Variants in RNF150 observed in about 807,000 individuals in gnomAD.
RNF150 encodes ring finger protein 150.
RNF150 carries 24 observed loss-of-function variants against 39.3 expected under a neutral mutation model. That is an observed-to-expected ratio of 0.61 (90% CI 0.44 to 0.86). The LOEUF (loss-of-function observed/expected upper bound fraction) is 0.86, where lower values mean the gene tolerates loss of function less well. Ranked by LOEUF, RNF150 falls within the 40% of genes least tolerant of loss-of-function variation. The pLI is 0.00. For missense variants in RNF150, 502 were observed against 587.8 expected (o/e 0.85, Z 1.51); for synonymous variants, 255 against 227.3 (o/e 1.12, Z -1.10).
intron 4 of RNF150, among the ~76,000 whole-genome samples, chr4:140,945,015 A>C (rs1732229961): frequency 6.6e-6 from 1 of 152,240 alleles, no homozygotes; most frequent in African/African-American, 2.4e-5. Context: ...TGAGCTATTC[A>C]GAACAGATAT....
At chr4:140,952,464 T>C (rs1240023897) in intron 2 of RNF150, among the ~76,000 whole-genome samples, 2 of 152,254 alleles carry the variant, frequency 1.3e-5, no homozygotes, top group African/African-American at 4.8e-5. Context: ...TTTGGCTGTG[T>C]ATTTAACTTA....
Position 140,886,255 on chromosome 4 carries a change from A to G in RNF150, c.1199-17876T>C, listed in dbSNP as rs13133537. 5.0e-3 allele frequency among the ~76,000 whole-genome samples: 754 copies of G among 152,100 alleles called. 5 individuals carry two copies. The highest frequency in any genetic ancestry group is 8.9e-3 in the Non-Finnish European group (606 of 67,990). On this transcript the variant is annotated intron_variant, in intron 6 of 6. Coordinates refer to ENST00000515673, the MANE Select transcript of RNF150 (RefSeq NM_020724.2). Reference sequence around the variant, plus strand: ...TTTTGGAAAGTGAATGTTCAAGTCAATGTTAGCTTTTACTTATTTGCTTTT... The same window carrying G: ...TTTTGGAAAGTGAATGTTCAAGTCAGTGTTAGCTTTTACTTATTTGCTTTT...
At chr4:141,153,033 G>A (rs528100240) in intron 1 of RNF150, among the ~76,000 whole-genome samples, 117 of 152,124 alleles carry the variant, frequency 7.7e-4, no homozygotes, top group African/African-American at 2.7e-3. Context: ...GGAATCATTC[G>A]CAACATCTTA....
chr4:141,122,622 C>T (rs1187719057), intron 1 of RNF150, among the ~76,000 whole-genome samples: 1 of 152,194 alleles, frequency 6.6e-6, no homozygotes, highest in African/African-American at 2.4e-5. Context: ...TGAATGTTTA[C>T]TGCAGCACTG....
intron 1 of RNF150, among the ~76,000 whole-genome samples, chr4:141,202,555 AAATTTT>A (rs1728307274): frequency 6.6e-6 from 1 of 152,130 alleles, no homozygotes; most frequent in South Asian, 2.1e-4. Context: ...ATTATTTTTC[AAATTTT>A]TTTTTTGGAA....
At chr4:140,875,884 A>G (rs1460734648) in intron 6 of RNF150, among the ~76,000 whole-genome samples, 1 of 152,244 alleles carries the variant, frequency 6.6e-6, no homozygotes, top group Middle Eastern at 3.4e-3. Flanking sequence ...AATGAGGTTT[A>G]TTTACTCACT....
intron 1 of RNF150, among the ~76,000 whole-genome samples, chr4:141,038,338 G>T (rs1736225103): frequency 6.6e-6 from 1 of 152,106 alleles, no homozygotes; most frequent in African/African-American, 2.4e-5. Flanking sequence ...AATCAAGAAA[G>T]AAAACTAAGT....
chr4:141,111,620 G>T (rs990073359), intron 1 of RNF150, among the ~76,000 whole-genome samples: 2 of 152,012 alleles, frequency 1.3e-5, no homozygotes, highest in Admixed American at 6.6e-5. Flanking sequence ...GCAACAAAAG[G>T]GAACACTAAA....
At chr4:141,113,585 C>T (rs1404704881) in intron 1 of RNF150, among the ~76,000 whole-genome samples, 2 of 152,016 alleles carry the variant, frequency 1.3e-5, no homozygotes, top group African/African-American at 4.8e-5. Flanking sequence ...CTTCAACATG[C>T]CACTGTCAAT....
intron 1 of RNF150, among the ~76,000 whole-genome samples, chr4:141,062,200 T>A (rs2110921699): frequency 6.6e-6 from 1 of 152,252 alleles, no homozygotes. Flanking sequence ...TATATTCAAA[T>A]CTGTTTCTTC....
intron 4 of RNF150, among the ~76,000 whole-genome samples, chr4:140,927,160 T>C (rs1731431977): frequency 6.6e-6 from 1 of 152,166 alleles, no homozygotes; most frequent in Admixed American, 6.5e-5. Context: ...CCTTTTAAAC[T>C]GAAATTAGAA....
At chr4:141,159,014 T>C (rs1043802812) in intron 1 of RNF150, among the ~76,000 whole-genome samples, 8 of 152,208 alleles carry the variant, frequency 5.3e-5, no homozygotes, top group Non-Finnish European at 1.0e-4. Flanking sequence ...AAGAAAGTGT[T>C]TCTCAGCCAA....
intron 1 of RNF150, among the ~76,000 whole-genome samples, chr4:141,172,673 T>C (rs1472088546): frequency 6.6e-6 from 1 of 152,142 alleles, no homozygotes; most frequent in Non-Finnish European, 1.5e-5. Flanking sequence ...CTCTAGGCCT[T>C]AAATAACAAC....
intron 1 of RNF150, among the ~76,000 whole-genome samples, chr4:141,159,654 C>A (rs888392040): frequency 5.3e-5 from 8 of 152,098 alleles, no homozygotes; most frequent in Admixed American, 3.9e-4. Flanking sequence ...GTGATCCTCC[C>A]ACCACAGCCT....
rs529573854 is a variant in RNF150 at position 140,967,193 on chromosome 4, C to T, written c.735+430G>A. On this transcript the variant is annotated intron_variant, in intron 2 of 6. Coordinates refer to ENST00000515673, the MANE Select transcript of RNF150 (RefSeq NM_020724.2). ...GGGAAGGCAATTACTTTTCATTATACGCCATGTGATACTTTTTGCATTTTG... is the reference window on the plus strand; with the variant it reads ...GGGAAGGCAATTACTTTTCATTATATGCCATGTGATACTTTTTGCATTTTG... Among the ~76,000 whole-genome samples, 57 of 152,250 alleles carry T rather than the reference C, an allele frequency of 3.7e-4. 1 individual carries two copies. The highest frequency in any genetic ancestry group is 1.1e-3 in the African/African-American group (44 of 41,566).
intron 2 of RNF150, among the ~76,000 whole-genome samples, chr4:140,955,315 G>A (rs911712527): frequency 7.2e-5 from 11 of 152,170 alleles, no homozygotes; most frequent in Non-Finnish European, 1.3e-4. Flanking sequence ...CACACAATGT[G>A]AGGTAGAAAC....
At chr4:141,022,853 T>G (rs1735548977) in intron 1 of RNF150, among the ~76,000 whole-genome samples, 1 of 152,194 alleles carries the variant, frequency 6.6e-6, no homozygotes, top group Non-Finnish European at 1.5e-5. Flanking sequence ...ATTGATGATG[T>G]TGCTTTACTC....
At chr4:140,879,705 C>A (rs563591571) in intron 6 of RNF150, among the ~76,000 whole-genome samples, 2 of 152,108 alleles carry the variant, frequency 1.3e-5, no homozygotes, top group East Asian at 3.9e-4. Flanking sequence ...GTCTGTGGAC[C>A]CAGCTATTTG....
chr4:140,926,420 CTTGA>C (rs1469720326), intron 4 of RNF150, among the ~76,000 whole-genome samples: 2 of 152,198 alleles, frequency 1.3e-5, no homozygotes, highest in African/African-American at 4.8e-5. Flanking sequence ...TGTAGGATGA[CTTGA>C]TTGATACTAC....
Sources: gnomAD v4.1 joint callset for allele counts (sites outside exome capture counted in the v4.1 genomes callset) on GRCh38, gnomAD v4.1.1 for gene constraint, MANE v1.5 for transcripts, NCBI Gene and HGNC (gene_info 2026-07-23, HGNC 2026-07-21) for gene names.